Variants in NTM observed in about 807,000 individuals in gnomAD.
The protein encoded by NTM is IgLON family member 2.
NTM carries 13 observed loss-of-function variants against 42.1 expected under a neutral mutation model. The ratio of observed to expected loss-of-function variants is 0.31; its 90% CI spans 0.20 to 0.49. The LOEUF (loss-of-function observed/expected upper bound fraction) is 0.49. NTM is among the 20% of genes least tolerant of loss of function. The probability of loss-of-function intolerance (pLI) is 0.99; values close to 1 mark genes in which losing one functional copy is unlikely to be tolerated. For synonymous variants in NTM, 187 were observed against 179.2 expected (o/e 1.04, Z -0.35); for missense variants, 373 against 452.8 (o/e 0.82, Z 1.60).
intron 3 of NTM, among the ~76,000 whole-genome samples, chr11:132,178,935 C>T (rs905591992): frequency 9.2e-5 from 14 of 152,116 alleles, no homozygotes; most frequent in African/African-American, 3.1e-4. Context: ...AAAACTTGGG[C>T]GTTTCAGTTA....
chr11:131,643,594 T>C (rs931581731), intron 1 of NTM, among the ~76,000 whole-genome samples: 4 of 152,210 alleles, frequency 2.6e-5, no homozygotes, highest in Non-Finnish European at 5.9e-5. Context: ...TATCCTGAGA[T>C]TGCAGTGAGC....
At chr11:131,838,187 G>A (rs937142064) in intron 1 of NTM, among the ~76,000 whole-genome samples, 1 of 152,116 alleles carries the variant, frequency 6.6e-6, no homozygotes. Flanking sequence ...ACGGATGCAG[G>A]GGGCGGGGTG....
Position 131,911,583 on chromosome 11 carries a change from A to G in NTM, c.102A>G (p.Gly34=). 1.2e-6 allele frequency: 2 copies of G among 1,614,158 alleles called. No individual in the cohort carries two copies. The highest frequency in any genetic ancestry group is 1.7e-6 in the Non-Finnish European group (2 of 1,180,034). The change falls in exon 2 of 9, where the codon GGA becomes GGG. Residue 34 remains glycine (G), a synonymous_variant. Coordinates refer to ENST00000683400, the MANE Select transcript of NTM (RefSeq NM_001352005.2). ...CCACAGGAGTGCCCGTGCGCAGCGG[A>G]GATGCCACCTTCCCCAAAGCTATGG... ...CLFQGVPVRS[G]DATFPKAMDN...
At chr11:131,903,891 T>A (rs1196062289) in intron 1 of NTM, among the ~76,000 whole-genome samples, 1 of 152,158 alleles carries the variant, frequency 6.6e-6, no homozygotes, top group Non-Finnish European at 1.5e-5. Context: ...ATTAACCCAT[T>A]TGAGTGAATT....
rs115409269 is a variant in NTM, at chr11:132,167,939, G to A, written c.400+21425G>A. 2.3e-3 allele frequency among the ~76,000 whole-genome samples: 351 copies of A among 152,298 alleles called. 1 individual carries two copies. Among genetic ancestry groups the A allele is most frequent in the African/African-American group, 8.1e-3 (337 of 41,558 alleles). ...GGAAGAATCACTTCCGATGAAAAAC[G>A]ACTAACTGGAAATACTTCAAATTGC... On this transcript the variant is annotated intron_variant, in intron 3 of 8. Coordinates refer to ENST00000683400, the MANE Select transcript of NTM (RefSeq NM_001352005.2).
intron 2 of NTM, among the ~76,000 whole-genome samples, chr11:132,033,613 CT>C (rs1408675273): frequency 6.6e-6 from 1 of 152,156 alleles, no homozygotes; most frequent in Non-Finnish European, 1.5e-5. Flanking sequence ...GTTGCTCCCC[CT>C]AATGCTGTCA....
chr11:132,317,475 G>A (rs1230903910), intron 7 of NTM, among the ~76,000 whole-genome samples: 3 of 151,982 alleles, frequency 2.0e-5, no homozygotes, highest in East Asian at 1.9e-4. Context: ...GCATGTCAGC[G>A]TTTCTCTTGC....
intron 1 of NTM, among the ~76,000 whole-genome samples, chr11:131,670,249 A>G (rs1409924731): frequency 1.3e-5 from 2 of 152,118 alleles, no homozygotes; most frequent in Non-Finnish European, 2.9e-5. Flanking sequence ...TTTGGCAAAA[A>G]GTGGGCTCGG....
intron 4 of NTM, among the ~76,000 whole-genome samples, chr11:132,241,850 A>G (rs191210477): frequency 7.2e-5 from 11 of 152,318 alleles, no homozygotes; most frequent in South Asian, 2.1e-4. Context: ...ATCAAGCCCA[A>G]TTGCCCATAC....
intron 2 of NTM, among the ~76,000 whole-genome samples, chr11:132,090,572 T>C (rs778645381): frequency 5.3e-5 from 8 of 152,118 alleles, no homozygotes; most frequent in Non-Finnish European, 1.2e-4. Context: ...TTTAGTGAAA[T>C]TCAGTCACTA....
Position 131,888,279 on chromosome 11 carries a change from C to T in NTM, c.83-23285C>T, listed in dbSNP as rs544835071. On this transcript the variant is annotated intron_variant, in intron 1 of 8. Coordinates refer to ENST00000683400, the MANE Select transcript of NTM (RefSeq NM_001352005.2). Reference sequence around the variant, plus strand: ...TTGCACCACTACACTCCAGCCTCGGCGACAGAGTGAGACTCGATCTCAAAA... The same window carrying T: ...TTGCACCACTACACTCCAGCCTCGGTGACAGAGTGAGACTCGATCTCAAAA... Among the ~76,000 whole-genome samples, 194 of 152,094 alleles carry T rather than the reference C, an allele frequency of 1.3e-3. 1 individual carries two copies. Among genetic ancestry groups the T allele is most frequent in the African/African-American group, 4.5e-3 (185 of 41,482 alleles).
chr11:131,786,375 C>A (rs554954102), intron 1 of NTM, among the ~76,000 whole-genome samples: 3 of 152,202 alleles, frequency 2.0e-5, no homozygotes, highest in African/African-American at 4.8e-5. Context: ...ACCATGTTTA[C>A]GCTCATGAAT....
At chr11:131,814,927 A>G (rs571117494) in intron 1 of NTM, among the ~76,000 whole-genome samples, 2 of 152,128 alleles carry the variant, frequency 1.3e-5, no homozygotes, top group South Asian at 4.2e-4. Flanking sequence ...CTCCAAACCC[A>G]CTACCTCTCC....
At chr11:132,292,582 C>T (rs543326726) in intron 4 of NTM, among the ~76,000 whole-genome samples, 1 of 151,686 alleles carries the variant, frequency 6.6e-6, no homozygotes, top group Admixed American at 6.6e-5. Flanking sequence ...GAGACAGGCA[C>T]GTATGAGTGT....
intron 1 of NTM, among the ~76,000 whole-genome samples, chr11:131,501,328 T>G (rs1042106936): frequency 1.3e-5 from 2 of 152,074 alleles, no homozygotes; most frequent in Non-Finnish European, 2.9e-5. Context: ...GGGTGGCCAA[T>G]GAAGGCCCCT....
chr11:131,744,459 T>C (rs2081552957), intron 1 of NTM, among the ~76,000 whole-genome samples: 1 of 152,186 alleles, frequency 6.6e-6, no homozygotes, highest in African/African-American at 2.4e-5. Context: ...AAGGAATGAC[T>C]GTCATTAGAA....
chr11:132,021,533 G>A (rs1213083415), intron 2 of NTM, among the ~76,000 whole-genome samples: 1 of 151,942 alleles, frequency 6.6e-6, no homozygotes, highest in Non-Finnish European at 1.5e-5. Context: ...GTATTTTGCT[G>A]TTTTTTTCTG....
At chr11:131,611,799 C>T (rs956359730) in intron 1 of NTM, among the ~76,000 whole-genome samples, 1 of 152,158 alleles carries the variant, frequency 6.6e-6, no homozygotes, top group Non-Finnish European at 1.5e-5. Context: ...TGGGAAAGAC[C>T]AGACTTTCCC....
intron 4 of NTM, among the ~76,000 whole-genome samples, chr11:132,272,848 T>A (rs970151969): frequency 1.3e-4 from 20 of 152,148 alleles, no homozygotes; most frequent in Non-Finnish European, 2.5e-4. Context: ...AGTTTGCTTT[T>A]TATTACATTT....
Sources: allele counts gnomAD v4.1 joint callset (sites outside exome capture counted in the v4.1 genomes callset), GRCh38; gene constraint gnomAD v4.1.1; transcripts MANE v1.5; gene names NCBI Gene and HGNC (gene_info 2026-07-23, HGNC 2026-07-21).